The following DPH6 variants were observed in gnomAD, a reference collection of about 807,000 sequenced individuals.
The protein encoded by DPH6 is diphthine--ammonia ligase.
Under a neutral mutation model 38.2 loss-of-function variants are expected in DPH6, and 33 were observed. The ratio of observed to expected loss-of-function variants is 0.86; its 90% CI spans 0.65 to 1.15. The LOEUF (loss-of-function observed/expected upper bound fraction) is 1.15, where lower values mean the gene tolerates loss of function less well. Ranked by LOEUF, DPH6 falls within the 50% of genes most tolerant of loss-of-function variation. The probability of loss-of-function intolerance (pLI) is 0.00; values close to 1 mark genes in which losing one functional copy is unlikely to be tolerated. For missense variants in DPH6, 325 were observed against 320.0 expected (o/e 1.02, Z -0.12); for synonymous variants, 108 against 103.0 (o/e 1.05, Z -0.30).
chr15:35,268,182 AAT>A lies in DPH6; in HGVS notation n.201-47602_201-47601del, dbSNP rs1263137585. ...GAGACTCTGTCTCAAAAAATAAATA[AAT>A]AAATAAATAAATAAATAAATAAATA... is the stretch of plus-strand genomic sequence containing the variant. On this transcript the variant is annotated intron_variant and non_coding_transcript_variant, in intron 3 of 3. Transcript: ENST00000560386. Among the ~76,000 whole-genome samples the A allele has an allele frequency of 2.4e-4, 19 of 80,226 alleles. No individual in the cohort carries two copies. In the East Asian group the frequency reaches 6.5e-3, roughly 27 times the overall value. 52.6% of individuals were successfully genotyped at this position (80,226 alleles called of 152,430 possible).
intron 3 of DPH6, among the ~76,000 whole-genome samples, chr15:35,525,758 T>C (rs1227906549): frequency 6.6e-6 from 1 of 152,110 alleles, no homozygotes. Flanking sequence ...GAAGATGAAC[T>C]GAGCCTGGGA....
At chr15:35,275,827 A>C (rs1421161772) in intron 3 of DPH6, among the ~76,000 whole-genome samples, 1 of 152,050 alleles carries the variant, frequency 6.6e-6, no homozygotes, top group East Asian at 1.9e-4. Context: ...TATATACCAC[A>C]GTTTCTTTAT....
downstream of DPH6, among the ~76,000 whole-genome samples, chr15:35,212,624 G>A (rs964161247): frequency 6.6e-6 from 1 of 152,186 alleles, no homozygotes; most frequent in Non-Finnish European, 1.5e-5. Context: ...TCATTAAAGA[G>A]CAAAGCATAT....
intron 3 of DPH6, among the ~76,000 whole-genome samples, chr15:35,273,544 A>G (rs2051837371): frequency 6.6e-6 from 1 of 152,228 alleles, no homozygotes; most frequent in African/African-American, 2.4e-5. Flanking sequence ...GAAGCTGATA[A>G]GCAACTTCAG....
chr15:35,145,855 T>A, the DPH6 span, among the ~76,000 whole-genome samples: 2 of 152,218 alleles, frequency 1.3e-5, no homozygotes, highest in Non-Finnish European at 2.9e-5. Flanking sequence ...TCTACATTGT[T>A]TTGAGGCACA....
At chr15:35,329,693 T>C (rs2052312299), downstream of DPH6, among the ~76,000 whole-genome samples, 1 of 152,158 alleles carries the variant, frequency 6.6e-6, no homozygotes, top group Non-Finnish European at 1.5e-5. Context: ...AGAAATACAT[T>C]GTGGTTTCTT....
intron 3 of DPH6, among the ~76,000 whole-genome samples, chr15:35,272,420 T>C (rs574331524): frequency 9.2e-5 from 14 of 152,300 alleles, no homozygotes; most frequent in African/African-American, 3.4e-4. Flanking sequence ...TGTTATGGAC[T>C]GAATTATGTC....
At chr15:35,305,690 T>C (rs1364855400) in intron 3 of DPH6, among the ~76,000 whole-genome samples, 2 of 152,168 alleles carry the variant, frequency 1.3e-5, no homozygotes, top group Admixed American at 6.5e-5. Context: ...ATTCTATACA[T>C]ATCTCTAATA....
intron 5 of DPH6, among the ~76,000 whole-genome samples, chr15:35,431,500 C>T (rs1183269766): frequency 1.3e-5 from 2 of 151,824 alleles, no homozygotes; most frequent in Non-Finnish European, 2.9e-5. Context: ...TCAAGTTAAG[C>T]CATAATCAAA....
At chr15:35,252,655 C>T (rs2051682473) in intron 3 of DPH6, among the ~76,000 whole-genome samples, 1 of 152,246 alleles carries the variant, frequency 6.6e-6, no homozygotes, top group Non-Finnish European at 1.5e-5. Flanking sequence ...TTTTCCTCTC[C>T]TCTCCCCATC....
intron 3 of DPH6, among the ~76,000 whole-genome samples, chr15:35,292,448 C>T (rs1275677914): frequency 6.6e-6 from 1 of 152,038 alleles, no homozygotes; most frequent in Non-Finnish European, 1.5e-5. Flanking sequence ...TACTTCTGTA[C>T]CTTGATATGA....
chr15:35,498,796 G>A (rs996434392), intron 3 of DPH6, among the ~76,000 whole-genome samples: 3 of 151,640 alleles, frequency 2.0e-5, no homozygotes, highest in Non-Finnish European at 2.9e-5. Flanking sequence ...CGTAGATGCC[G>A]TCAAAGTGTA....
At chr15:35,537,000 A>G (rs1485243747) in intron 3 of DPH6, among the ~76,000 whole-genome samples, 1 of 152,122 alleles carries the variant, frequency 6.6e-6, no homozygotes, top group East Asian at 1.9e-4. Flanking sequence ...ACTAAGCAGA[A>G]AATTTTGGAA....
intron 6 of DPH6, among the ~76,000 whole-genome samples, chr15:35,391,145 T>G (rs1362283245): frequency 6.6e-6 from 1 of 152,210 alleles, no homozygotes; most frequent in Non-Finnish European, 1.5e-5. Context: ...CAGCGGAGGC[T>G]GCAGAACAGT....
chr15:35,385,046 T>C (rs1271934636), intron 6 of DPH6, among the ~76,000 whole-genome samples: 1 of 152,126 alleles, frequency 6.6e-6, no homozygotes, highest in Admixed American at 6.6e-5. Flanking sequence ...ATTAGAGAAA[T>C]GCAAATCAAA....
intron 3 of DPH6, among the ~76,000 whole-genome samples, chr15:35,494,259 T>G (rs1404204587): frequency 6.6e-6 from 1 of 152,190 alleles, no homozygotes; most frequent in African/African-American, 2.4e-5. Context: ...CCTAACCATC[T>G]ATCATCTGAG....
chr15:35,400,194 A>C (rs1180271751), intron 6 of DPH6, among the ~76,000 whole-genome samples: 1 of 152,244 alleles, frequency 6.6e-6, no homozygotes, highest in Non-Finnish European at 1.5e-5. Flanking sequence ...TAAATAAATG[A>C]AACAAGACAA....
intron 5 of DPH6, among the ~76,000 whole-genome samples, chr15:35,429,679 C>T (rs1421401997): frequency 6.6e-6 from 1 of 152,004 alleles, no homozygotes; most frequent in Non-Finnish European, 1.5e-5. Context: ...CTTACATACA[C>T]ACATTTTTAT....
chr15:35,182,249 T>A, the DPH6 span, among the ~76,000 whole-genome samples: 25 of 126,774 alleles, frequency 2.0e-4, no homozygotes, highest in African/African-American at 7.0e-4. Flanking sequence ...TTTTTTTTTT[T>A]TTTTTTTACT....
Sources: gnomAD v4.1 joint callset for allele counts (sites outside exome capture counted in the v4.1 genomes callset) on GRCh38, gnomAD v4.1.1 for gene constraint, MANE v1.5 for transcripts, NCBI Gene and HGNC (gene_info 2026-07-23, HGNC 2026-07-21) for gene names.